The following GPR173 variants were observed in gnomAD, a reference collection of about 807,000 sequenced individuals.
GPR173 encodes the protein G protein-coupled receptor 173, also known as probable G protein-coupled receptor 173.
In GPR173, 2 loss-of-function variants were observed where a neutral mutation model predicts 13.9. The observed-to-expected ratio is 0.14, with a 90% CI of 0.06 to 0.45. The LOEUF is 0.45. Among genes scored for constraint, GPR173 ranks in the 20% least tolerant of loss-of-function variants. The probability of loss-of-function intolerance (pLI) is 0.98; values close to 1 mark genes in which losing one functional copy is unlikely to be tolerated. For synonymous variants in GPR173, 131 were observed against 141.0 expected, an observed-to-expected ratio of 0.93 and a Z score of 0.50; for missense variants, 202 against 340.5, an observed-to-expected ratio of 0.59 and a Z score of 3.20.
At position 53,080,214 on chromosome X, in the gene GPR173, T is replaced by C. The variant is rs1556806470; in HGVS notation, c.*2471T>C. ...GGGCCACTGTATGCAGCTGGGACTT[T>C]GGTCAGCTTTGACCAAATTTAGAGG... On this transcript the variant is annotated 3_prime_UTR_variant, in exon 2 of 2. Coordinates refer to ENST00000332582, the MANE Select transcript of GPR173 (RefSeq NM_018969.6). The C allele has an allele frequency of 8.2e-6, 1 of 121,651 alleles. No individual in the cohort carries two copies. Among genetic ancestry groups the C allele is most frequent in the African/African-American group, 3.3e-5 (1 of 30,223 alleles). The allele number at this position is 121,651 out of a possible 1,213,427, so 10.0% of individuals were successfully genotyped here. A position where few individuals can be genotyped will look rare whatever the true frequency, so the allele number is the denominator to read the frequency against.
In GPR173 at chrX:53,080,463, TC is replaced by T. The variant is rs1351275708; in HGVS notation, c.*2724del. 1 of 120,662 alleles carries T rather than the reference TC, an allele frequency of 8.3e-6. No individual in the cohort carries two copies. Among genetic ancestry groups the T allele is most frequent in the Admixed American group, 9.7e-5 (1 of 10,263 alleles). The allele number at this position is 120,662 out of a possible 1,213,427, so 9.9% of individuals were successfully genotyped here. A position where few individuals can be genotyped will look rare whatever the true frequency, so the allele number is the denominator to read the frequency against. On this transcript the variant is annotated 3_prime_UTR_variant, in exon 2 of 2. Coordinates refer to ENST00000332582, the MANE Select transcript of GPR173 (RefSeq NM_018969.6). ...TCATCACCCATTCCTGATCCCATCC[TC>T]CCCGCCCCCTACACAGGCACCCACT... is the stretch of plus-strand genomic sequence containing the variant.
At chrX:53,067,628 A>G (rs1172662739) in intron 1 of GPR173, among the ~76,000 whole-genome samples, 3 of 111,279 alleles carry the variant, frequency 2.7e-5, no homozygotes, top group Non-Finnish European at 5.7e-5. Flanking sequence ...GATCAAGACC[A>G]TCCTGGCTAA....
intron 1 of GPR173, among the ~76,000 whole-genome samples, chrX:53,052,591 C>CCACA (rs201501286): frequency 9.8e-6 from 1 of 101,860 alleles, no homozygotes; most frequent in East Asian, 3.1e-4. Flanking sequence ...ACACATCTGT[C>CCACA]CACACACACA....
intron 1 of GPR173, among the ~76,000 whole-genome samples, chrX:53,066,249 G>A (rs1932182145): frequency 8.9e-6 from 1 of 111,780 alleles, no homozygotes; most frequent in Admixed American, 9.6e-5. Context: ...TATTCAAATT[G>A]CAACACCAAG....
chrX:53,055,927 AATG>A (rs782381569), intron 1 of GPR173, among the ~76,000 whole-genome samples: 1 of 104,508 alleles, frequency 9.6e-6, no homozygotes, highest in African/African-American at 3.5e-5. Context: ...TGGGTATGAG[AATG>A]ATGTGTGTGT....
intron 1 of GPR173, among the ~76,000 whole-genome samples, chrX:53,073,895 T>TTACAAATATA (rs1932311317): frequency 1.6e-4 from 1 of 6,343 alleles, no homozygotes; most frequent in African/African-American, 5.2e-4. Context: ...ATATTTATAT[T>TTACAAATATA]TATTTATATA....
In GPR173 at chrX:53,070,730, C is replaced by T. The variant is rs782065717; in HGVS notation, c.-97-5795C>T. ...AACCCCTGACCTCAGGCGATCCACC[C>T]GCCTCAGTCTTCCAAAGTGCTGGGA... On this transcript the variant is annotated intron_variant, in intron 1 of 1. Transcript: ENST00000332582. 6.3e-5 allele frequency among the ~76,000 whole-genome samples: 7 copies of T among 111,191 alleles called. No individual in the cohort carries two copies. In the South Asian group the frequency reaches 2.3e-3, roughly 36 times the overall value.
Position 53,079,950 on chromosome X carries a change from G to C in GPR173, c.*2207G>C, listed in dbSNP as rs2068561980. Reference sequence around the variant, plus strand: ...CCCAGGCCCTGAGCACGGGAGGGCTGGGGCCGCCAGGGAACTTGAAAACCT... The same window carrying C: ...CCCAGGCCCTGAGCACGGGAGGGCTCGGGCCGCCAGGGAACTTGAAAACCT... On this transcript the variant is annotated 3_prime_UTR_variant, in exon 2 of 2. Coordinates refer to ENST00000332582, the MANE Select transcript of GPR173 (RefSeq NM_018969.6). 1 of 122,602 alleles carries C rather than the reference G, an allele frequency of 8.2e-6. No individual in the cohort carries two copies. The highest frequency in any genetic ancestry group is 9.5e-5 in the Admixed American group (1 of 10,573). The allele number at this position is 122,602 out of a possible 1,213,427, so 10.1% of individuals were successfully genotyped here. A position where few individuals can be genotyped will look rare whatever the true frequency, so the allele number is the denominator to read the frequency against.
intron 1 of GPR173, among the ~76,000 whole-genome samples, chrX:53,073,785 A>G (rs1163050185): frequency 1.3e-5 from 1 of 79,706 alleles, no homozygotes; most frequent in Non-Finnish European, 2.3e-5. Flanking sequence ...AATTATATAT[A>G]TATAATTTTT....
At chrX:53,063,675 T>G (rs1164072610) in intron 1 of GPR173, among the ~76,000 whole-genome samples, 2 of 111,924 alleles carry the variant, frequency 1.8e-5, no homozygotes, top group Non-Finnish European at 3.8e-5. Context: ...ATCTCAAACA[T>G]TTTGCTGCTT....
rs1439024301 is a variant in GPR173 at position 53,074,244 on chromosome X, A to G, written c.-97-2281A>G. On this transcript the variant is annotated intron_variant, in intron 1 of 1. Coordinates refer to ENST00000332582, the MANE Select transcript of GPR173 (RefSeq NM_018969.6). ...TATTTATTCATATAGAAATATATATAAATATACATTTATATTTATTCATAT... is the reference window on the plus strand; with the variant it reads ...TATTTATTCATATAGAAATATATATGAATATACATTTATATTTATTCATAT... 2.2e-3 allele frequency among the ~76,000 whole-genome samples: 218 copies of G among 98,447 alleles called. 4 individuals are homozygous for G. Among genetic ancestry groups the G allele is most frequent in the Non-Finnish European group, 3.9e-3 (200 of 50,988 alleles). The allele number at this position is 98,447 out of a possible 115,157, so 85.5% of individuals were successfully genotyped here. A position where few individuals can be genotyped will look rare whatever the true frequency, so the allele number is the denominator to read the frequency against.
chrX:53,073,387 G>C (rs1241111395), intron 1 of GPR173, among the ~76,000 whole-genome samples: 2 of 110,403 alleles, frequency 1.8e-5, no homozygotes, highest in Non-Finnish European at 3.8e-5. Flanking sequence ...ATCATCCTGA[G>C]TTTCCCCAGT....
At chrX:53,069,646 T>C (rs1170340448) in intron 1 of GPR173, among the ~76,000 whole-genome samples, 2 of 112,695 alleles carry the variant, frequency 1.8e-5, no homozygotes, top group East Asian at 5.6e-4. Context: ...GTACACATGT[T>C]TGCCCATGTG....
In GPR173 at chrX:53,076,741, C is replaced by T. The variant is rs1332568918; in HGVS notation, c.120C>T (p.Asn40=). The change falls in exon 2 of 2, where the codon AAC becomes AAT. Residue 40 remains asparagine, a synonymous_variant. Coordinates refer to ENST00000332582, the MANE Select transcript of GPR173 (RefSeq NM_018969.6). ...GLIMCVSLAG[N]AILSLLVLKE... is the part of the protein sequence containing the mutation. ...TTATGTGCGTGAGCCTGGCGGGTAACGCCATCTTGTCCCTGCTGGTGCTCA... is the reference window on the plus strand; with the variant it reads ...TTATGTGCGTGAGCCTGGCGGGTAATGCCATCTTGTCCCTGCTGGTGCTCA... The T allele has an allele frequency of 1.2e-5, 14 of 1,209,936 alleles. No homozygotes were observed. The highest frequency in any genetic ancestry group is 4.4e-5 in the Admixed American group (2 of 45,940).
intron 1 of GPR173, among the ~76,000 whole-genome samples, chrX:53,056,884 T>C (rs782375439): frequency 8.9e-6 from 1 of 111,764 alleles, no homozygotes; most frequent in African/African-American, 3.3e-5. Context: ...GGTGTGCACA[T>C]ACTTGTGCTA....
intron 1 of GPR173, among the ~76,000 whole-genome samples, chrX:53,072,439 G>A (rs1252129648): frequency 1.0e-5 from 1 of 99,990 alleles, no homozygotes; most frequent in African/African-American, 3.9e-5. Context: ...TTCTCTGTCT[G>A]GCATGCTGGT....
chrX:53,071,128 C>G, intron 1 of GPR173: 1 of 112,234 alleles, frequency 8.9e-6, no homozygotes. Flanking sequence ...CCACCACGCC[C>G]TGTTAATTTT....
chrX:53,067,552 G>T (rs781793355), intron 1 of GPR173, among the ~76,000 whole-genome samples: 2 of 112,245 alleles, frequency 1.8e-5, no homozygotes, highest in Non-Finnish European at 3.8e-5. Context: ...CTGGCGGGGC[G>T]CGGTGGCTCA....
chrX:53,074,336 ATTT>A (rs1932370438), intron 1 of GPR173, among the ~76,000 whole-genome samples: 1 of 39,823 alleles, frequency 2.5e-5, no homozygotes, highest in Non-Finnish European at 4.3e-5. Flanking sequence ...ATAAATGTAT[ATTT>A]ATATATATTT....
Sources: allele counts gnomAD v4.1 joint callset (sites outside exome capture counted in the v4.1 genomes callset), GRCh38; gene constraint gnomAD v4.1.1; transcripts MANE v1.5; gene names NCBI Gene and HGNC (gene_info 2026-07-23, HGNC 2026-07-21).